Variants in TNS2 observed in about 807,000 individuals in gnomAD.
The protein encoded by TNS2 is tensin 2.
In TNS2, 77 loss-of-function variants were observed where a neutral mutation model predicts 155.7. The ratio of observed to expected loss-of-function variants is 0.49; its 90% CI spans 0.41 to 0.60. The LOEUF (loss-of-function observed/expected upper bound fraction) is 0.60. TNS2 is among the 20% of genes least tolerant of loss of function. The probability of loss-of-function intolerance (pLI) is 0.00; values close to 1 mark genes in which losing one functional copy is unlikely to be tolerated. For missense variants in TNS2, 1,703 were observed against 1,868.8 expected, an observed-to-expected ratio of 0.91 and a Z score of 1.64; for synonymous variants, 726 against 763.9, an observed-to-expected ratio of 0.95 and a Z score of 0.82.
At chr12:53,058,529 G>A in intron 15 of TNS2, 43 bp from the exon 16 acceptor site, 2 of 1,613,840 alleles carry the variant, frequency 1.2e-6, no homozygotes, top group Admixed American at 1.7e-5. Context: ...GGAGAGTGTG[G>A]TATGGGCCAG....
chr12:53,059,195 G>T lies in TNS2; in HGVS notation c.1554G>T (p.Thr518=). ...GCAGCGACTCAGGCCATTCCTCCAC[G>T]CTGACCACAGAGCCGGCTGCTGAGT... The part of the protein sequence containing the change: ...SVSSDSGHSS[T]LTTEPAAESP... Residue 518 remains threonine (T), a synonymous_variant, in exon 18 of 29, where the codon ACG becomes ACT. Coordinates refer to ENST00000314250, the MANE Select transcript of TNS2 (RefSeq NM_170754.4). The surrounding 1 kb of genome is among the most constrained non-coding windows in gnomAD (Gnocchi z 4.7). 1 of 1,596,252 alleles carries T rather than the reference G, an allele frequency of 6.3e-7. No homozygotes were observed. Among genetic ancestry groups the T allele is most frequent in the Non-Finnish European group, 8.5e-7 (1 of 1,176,156 alleles).
chr12:53,056,002 T>C (rs1944141524), intron 10 of TNS2, 157 bp downstream of exon 10: 6 of 711,722 alleles, frequency 8.4e-6, no homozygotes, highest in Non-Finnish European at 1.4e-5. Context: ...TACTGCAACA[T>C]AGTCTGCAGC....
In TNS2 at chr12:53,060,915, C is replaced by T. The variant is rs1316091702; in HGVS notation, c.3009C>T (p.Ser1003=). Residue 1003 remains serine, a synonymous_variant, in exon 20 of 29, where the codon AGC becomes AGT. Coordinates refer to ENST00000314250, the MANE Select transcript of TNS2 (RefSeq NM_170754.4). This position sits in a 1 kb window ranked among gnomAD's most constrained non-coding sequence, Gnocchi z 6.1. ...ACTCAGATGGCGCCAGTCCTCGGAG[C>T]CCTGTGCCCACCACACTTCCTGGCC... ...GGHSDGASPR[S]PVPTTLPGLR... 6.3e-7 allele frequency: 1 copy of T among 1,593,938 alleles called. No individual in the cohort carries two copies. Among genetic ancestry groups the T allele is most frequent in the Middle Eastern group, 1.7e-4 (1 of 5,984 alleles).
In TNS2 at chr12:53,053,451, T is replaced by G; in HGVS notation, c.261+2T>G. On this transcript the variant is annotated splice_donor_variant, in intron 4 of 28. Transcript: ENST00000314250. LOFTEE classifies it high-confidence loss of function. ...CAGGCCTTGCCTCCCGTGGAGTTGG[T>G]GAGTGCGCTCTGGGATGGGGTGGGG... The G allele has an allele frequency of 6.2e-7, 1 of 1,613,856 alleles. No individual in the cohort carries two copies. The highest frequency in any genetic ancestry group is 8.5e-7 in the Non-Finnish European group (1 of 1,179,884).
chr12:53,057,129 G>A, intron 11 of TNS2, 33 bp downstream of exon 11: 1 of 1,594,852 alleles, frequency 6.3e-7, no homozygotes, highest in Non-Finnish European at 8.6e-7. Flanking sequence ...GGCCAGAGGA[G>A]CAGCTCCCTT....
upstream of TNS2, among the ~76,000 whole-genome samples, chr12:53,048,185 G>A (rs1016441362): frequency 6.6e-6 from 1 of 152,128 alleles, no homozygotes; most frequent in Admixed American, 6.5e-5. Context: ...TCCGAGGTGC[G>A]AGTGCCACAG....
chr12:53,057,521 C>G (rs766834280), intron 11 of TNS2, 46 bp from the exon 12 acceptor site: 2 of 1,418,838 alleles, frequency 1.4e-6, no homozygotes, highest in South Asian at 2.5e-5. Context: ...ACAAGGTGAC[C>G]TCCAGAGGAA....
chr12:53,060,999 C>G lies in TNS2; in HGVS notation c.3093C>G (p.Pro1031=). 1 of 1,613,144 alleles carries G rather than the reference C, an allele frequency of 6.2e-7. No individual in the cohort carries two copies. Among genetic ancestry groups the G allele is most frequent in the Non-Finnish European group, 8.5e-7 (1 of 1,179,666 alleles). Residue 1031 remains proline, a synonymous_variant, in exon 20 of 29, where the codon CCC becomes CCG. Coordinates refer to ENST00000314250, the MANE Select transcript of TNS2 (RefSeq NM_170754.4). The surrounding 1 kb of genome is among the most constrained non-coding windows in gnomAD (Gnocchi z 6.1). ...RGPPDSPDGS[P]LTPVPSQMPW... ...CCCCCGACAGCCCAGATGGGTCTCC[C>G]CTCACTCCTGTGCCTTCCCAGATGC... is the stretch of plus-strand genomic sequence containing the variant.
chr12:53,055,518 C>G (rs745483569), intron 8 of TNS2, 50 bp from the exon 9 acceptor site: 5 of 1,558,312 alleles, frequency 3.2e-6, no homozygotes, highest in South Asian at 2.4e-5. Flanking sequence ...CTGCCCATCT[C>G]TCTCTGTTGG....
At chr12:53,054,984 A>G (rs1944093767) in intron 7 of TNS2, among the ~76,000 whole-genome samples, 1 of 151,346 alleles carries the variant, frequency 6.6e-6, no homozygotes, top group Admixed American at 6.6e-5. Context: ...AGGTTTCACC[A>G]TGTTGGCCAG....
intron 2 of TNS2, 175 bp from the exon 3 acceptor site, chr12:53,052,280 T>C (rs1391199603): frequency 3.8e-6 from 3 of 784,996 alleles, no homozygotes; most frequent in Non-Finnish European, 6.4e-6. Flanking sequence ...AGTACCCCAC[T>C]GCCACACTCT....
rs768138941 is a variant in TNS2 at position 53,063,619 on chromosome 12, T to C, written c.4091+27T>C. 1 of 1,614,080 alleles carries C rather than the reference T, an allele frequency of 6.2e-7. No homozygotes were observed. The highest frequency in any genetic ancestry group is 8.5e-7 in the Non-Finnish European group (1 of 1,179,976). ...TAAGCCTCCCCACGAATTCAGCCTC[T>C]TCCTTCCAAGGGACCAGGGCGCTGC... On this transcript the variant is annotated intron_variant, in intron 28 of 28. Coordinates refer to ENST00000314250, the MANE Select transcript of TNS2 (RefSeq NM_170754.4). This position sits in a 1 kb window ranked among gnomAD's most constrained non-coding sequence, Gnocchi z 5.6.
At chr12:53,056,926 T>G (rs930271181) in intron 10 of TNS2, 87 bp from the exon 11 acceptor site, 19 of 1,281,814 alleles carry the variant, frequency 1.5e-5, no homozygotes, top group Middle Eastern at 1.8e-4. Context: ...GAGAATCATA[T>G]TTCTCCTCCA....
At chr12:53,054,910 G>A (rs1944090571) in intron 7 of TNS2, among the ~76,000 whole-genome samples, 1 of 139,608 alleles carries the variant, frequency 7.2e-6, no homozygotes, top group Non-Finnish European at 1.5e-5. Context: ...GGCCAGGCTG[G>A]TCTCAAGACT....
Position 53,059,249 on chromosome 12 carries a change from T to C in TNS2, c.1608T>C (p.Ala536=). 1.3e-6 allele frequency: 2 copies of C among 1,523,418 alleles called. No individual in the cohort carries two copies. Among genetic ancestry groups the C allele is most frequent in the East Asian group, 4.6e-5 (2 of 43,732 alleles). The allele number at this position is 1,523,418 out of a possible 1,614,324, so 94.4% of individuals were successfully genotyped here. A position where few individuals can be genotyped will look rare whatever the true frequency, so the allele number is the denominator to read the frequency against. ...ESPGRPPPTA[A]ERQELDRLLG... Reference sequence around the variant, plus strand: ...CTGGCCGGCCGCCCCCTACAGCTGCTGAACGGCAGGAGCTGGATCGCCTCC... The same window carrying C: ...CTGGCCGGCCGCCCCCTACAGCTGCCGAACGGCAGGAGCTGGATCGCCTCC... The change falls in exon 18 of 29, where the codon GCT becomes GCC. Residue 536 remains alanine (A), a synonymous_variant. Transcript: ENST00000314250. This position sits in a 1 kb window ranked among gnomAD's most constrained non-coding sequence, Gnocchi z 4.7.
rs753699123 is a variant in TNS2, at chr12:53,057,746, C to T, written c.959-27C>T. On this transcript the variant is annotated intron_variant, in intron 12 of 28. Coordinates refer to ENST00000314250, the MANE Select transcript of TNS2 (RefSeq NM_170754.4). ...CAGGCCCTCTCCACTCAGCACCCCT[C>T]CTGTGCCTTCTCCTCTGCCCCTCCA... 2.5e-6 allele frequency: 4 copies of T among 1,614,056 alleles called. No homozygotes were observed. The Admixed American group carries it at 6.7e-5, about 27-fold the overall frequency.
In TNS2 at chr12:53,054,313, G is replaced by T; in HGVS notation, c.394G>T (p.Asp132Tyr). ...DPLMERRWDL[D>Y]LTYVTERILA... The stretch of plus-strand genomic sequence containing the variant: ...GCTCATGGAGCGGCGCTGGGACTTA[G>T]ACCTCACCTACGTGACGGAGCGCAT... The change falls in exon 7 of 29, where the codon GAC becomes TAC. Residue 132 changes from aspartate (D) to tyrosine (Y), a missense_variant. Physicochemically the swap from Asp to Tyr is radical, Grantham distance 160. Transcript: ENST00000314250. The T allele has an allele frequency of 6.2e-7, 1 of 1,613,364 alleles. No individual in the cohort carries two copies. The highest frequency in any genetic ancestry group is 1.7e-5 in the Admixed American group (1 of 59,914).
rs758581987 is a variant in TNS2 at position 53,057,541 on chromosome 12, G to A, written c.846-26G>A. The A allele has an allele frequency of 6.4e-6, 10 of 1,567,886 alleles. No homozygotes were observed. The South Asian group carries it at 1.0e-4, about 16-fold the overall frequency. ...GTGACCTCCAGAGGAAAAGGCTTAT[G>A]TTCTCCTTGACACGCCCTCCACCAG... On this transcript the variant is annotated intron_variant, in intron 11 of 28. Coordinates refer to ENST00000314250, the MANE Select transcript of TNS2 (RefSeq NM_170754.4).
rs1943888712 is a variant in TNS2 at position 53,050,407 on chromosome 12, C to T, written c.75+147C>T. ...GGCCCAGCATCCCCTCCGGAGTGGC[C>T]AGGGCTGTAGTGTGAGGGGATGTTT... On this transcript the variant is annotated intron_variant, in intron 1 of 28. Coordinates refer to ENST00000314250, the MANE Select transcript of TNS2 (RefSeq NM_170754.4). The surrounding 1 kb of genome is among the most constrained non-coding windows in gnomAD (Gnocchi z 4.7). 3 of 999,180 alleles carry T rather than the reference C, an allele frequency of 3.0e-6. No individual in the cohort carries two copies. The highest frequency in any genetic ancestry group is 4.3e-6 in the Non-Finnish European group (3 of 694,380). The allele number at this position is 999,180 out of a possible 1,614,324, so 61.9% of individuals were successfully genotyped here.
Sources: gnomAD v4.1 joint callset for allele counts (sites outside exome capture counted in the v4.1 genomes callset) on GRCh38, gnomAD v4.1.1 for gene constraint, Gnocchi (gnomAD v3.1) non-coding constraint, MANE v1.5 for transcripts, NCBI Gene and HGNC (gene_info 2026-07-23, HGNC 2026-07-21) for gene names.